METRNL: variants seen among roughly 807,000 people sequenced by gnomAD.
The protein encoded by METRNL is meteorin-like protein.
In METRNL, 9 loss-of-function variants were observed where a neutral mutation model predicts 17.4. The observed-to-expected ratio is 0.52, with a 90% CI of 0.31 to 0.90. The LOEUF (loss-of-function observed/expected upper bound fraction) is 0.90, where lower values mean the gene tolerates loss of function less well. METRNL is among the 40% of genes least tolerant of loss of function. The pLI, the probability that METRNL is intolerant of heterozygous loss-of-function variation, is 0.05. For synonymous variants in METRNL, 215 were observed against 199.3 expected (o/e 1.08, Z -0.66); for missense variants, 408 against 430.7 (o/e 0.95, Z 0.47).
rs1184062584 is a variant in METRNL at position 83,095,093 on chromosome 17, T to C, written c.*518T>C. ...CTTTTCAGGCCGCCGGTTGTTTCCG[T>C]TCCCGAGAATAAAGACGAGGATCCG... On this transcript the variant is annotated 3_prime_UTR_variant, in exon 4 of 4. Coordinates refer to ENST00000320095, the MANE Select transcript of METRNL (RefSeq NM_001004431.3). 6.6e-6 allele frequency: 1 copy of C among 152,462 alleles called. No individual in the cohort carries two copies. Among genetic ancestry groups the C allele is most frequent in the African/African-American group, 2.4e-5 (1 of 41,468 alleles). The allele number at this position is 152,462 out of a possible 1,614,324, so 9.4% of individuals were successfully genotyped here. A position where few individuals can be genotyped will look rare whatever the true frequency, so the allele number is the denominator to read the frequency against.
At chr17:83,081,693 CAA>C (rs1294954361) in intron 1 of METRNL, among the ~76,000 whole-genome samples, 1 of 152,150 alleles carries the variant, frequency 6.6e-6, no homozygotes, top group African/African-American at 2.4e-5. Flanking sequence ...GGACCCCCCC[CAA>C]CACACACACA....
chr17:83,093,725 G>T (rs1024742352), intron 3 of METRNL, among the ~76,000 whole-genome samples: 1 of 152,162 alleles, frequency 6.6e-6, no homozygotes, highest in African/African-American at 2.4e-5. Flanking sequence ...TTGCACAGAC[G>T]CCCTGTGGGA....
intron 2 of METRNL, among the ~76,000 whole-genome samples, chr17:83,086,755 G>A (rs565363979): frequency 2.3e-4 from 35 of 152,344 alleles, no homozygotes; most frequent in African/African-American, 7.2e-4. Context: ...AGGCTGTGGT[G>A]TAGTCCGTCC....
intron 1 of METRNL, among the ~76,000 whole-genome samples, chr17:83,083,523 G>A (rs1351510231): frequency 1.3e-5 from 2 of 152,172 alleles, no homozygotes; most frequent in Admixed American, 6.5e-5. Context: ...GCCCACACAC[G>A]TGTTAGATGA....
chr17:83,082,214 G>A (rs2037998198), intron 1 of METRNL: 2 of 985,348 alleles, frequency 2.0e-6, no homozygotes, highest in African/African-American at 3.5e-5. Flanking sequence ...GGTCACACCT[G>A]GTTCGTCTCT....
chr17:83,080,577 C>T (rs1346924116), intron 1 of METRNL, among the ~76,000 whole-genome samples: 12 of 132,014 alleles, frequency 9.1e-5, no homozygotes, highest in Non-Finnish European at 1.5e-4. Context: ...CCCCCCCCCC[C>T]CCACCCGCGG....
At chr17:83,085,547 T>G (rs1268498148) in intron 2 of METRNL, among the ~76,000 whole-genome samples, 4 of 151,638 alleles carry the variant, frequency 2.6e-5, no homozygotes, top group Non-Finnish European at 4.4e-5. Flanking sequence ...GGGTGTGACA[T>G]GGTGTAGGGG....
chr17:83,089,363 C>T (rs1341122724), intron 2 of METRNL, among the ~76,000 whole-genome samples: 7 of 152,184 alleles, frequency 4.6e-5, no homozygotes, highest in African/African-American at 1.4e-4. Context: ...CAGAGGTTTC[C>T]CGTCGGAACT....
At chr17:83,093,655 CTGCG>C (rs572116061) in intron 3 of METRNL, among the ~76,000 whole-genome samples, 68 of 152,312 alleles carry the variant, frequency 4.5e-4, no homozygotes, top group African/African-American at 1.6e-3. Flanking sequence ...CCCGGCGGCT[CTGCG>C]GCTCTGCAGG....
rs1437903524 is a variant in METRNL at position 83,080,053 on chromosome 17, C to A, written c.170+68C>A. 7 of 955,150 alleles carry A rather than the reference C, an allele frequency of 7.3e-6. No homozygotes were observed. In the African/African-American group the frequency reaches 9.0e-5, roughly 12 times the overall value. The allele number at this position is 955,150 out of a possible 1,614,324, so 59.2% of individuals were successfully genotyped here. ...GCGTCCCCTCCCGTCCCGGGCCGGCCGAGCGTGCGGGGGCGCGGCCGGGGG... is the reference window on the plus strand; with the variant it reads ...GCGTCCCCTCCCGTCCCGGGCCGGCAGAGCGTGCGGGGGCGCGGCCGGGGG... On this transcript the variant is annotated intron_variant, in intron 1 of 3. Coordinates refer to ENST00000320095, the MANE Select transcript of METRNL (RefSeq NM_001004431.3).
chr17:83,080,494 C>G (rs1351344296), intron 1 of METRNL, among the ~76,000 whole-genome samples: 1 of 142,400 alleles, frequency 7.0e-6, no homozygotes, highest in African/African-American at 2.6e-5. Flanking sequence ...AGTGTGGCTC[C>G]GGCCGGGCCC....
chr17:83,080,910 G>C (rs1163606604), intron 1 of METRNL, among the ~76,000 whole-genome samples: 6 of 150,902 alleles, frequency 4.0e-5, no homozygotes, highest in African/African-American at 1.5e-4. Flanking sequence ...CGGTGATGTC[G>C]AGCGAAGCTG....
intron 2 of METRNL, among the ~76,000 whole-genome samples, chr17:83,090,528 C>T (rs1415829268): frequency 2.8e-5 from 3 of 107,782 alleles, no homozygotes; most frequent in East Asian, 3.2e-4. Context: ...CACACACCCC[C>T]GACTGTGCTG....
At chr17:83,080,857 G>GGTCCCC (rs1388040325) in intron 1 of METRNL, among the ~76,000 whole-genome samples, 3 of 150,556 alleles carry the variant, frequency 2.0e-5, no homozygotes, top group Admixed American at 1.3e-4. Flanking sequence ...CCCTCGGCGC[G>GGTCCCC]GCCCCCGCCC....
chr17:83,089,977 A>G (rs1216481546), intron 2 of METRNL, among the ~76,000 whole-genome samples: 1 of 151,878 alleles, frequency 6.6e-6, no homozygotes, highest in Non-Finnish European at 1.5e-5. Context: ...ACGTGAGGGC[A>G]GCGTCTCCAT....
intron 2 of METRNL, among the ~76,000 whole-genome samples, chr17:83,086,206 C>T (rs1204215933): frequency 2.0e-5 from 3 of 152,182 alleles, no homozygotes; most frequent in Non-Finnish European, 4.4e-5. Flanking sequence ...AATGGGAATC[C>T]ACATTTTTGT....
chr17:83,085,384 C>T, intron 2 of METRNL, 61 bp downstream of exon 2: 1 of 1,497,072 alleles, frequency 6.7e-7, no homozygotes, highest in Non-Finnish European at 8.9e-7. Context: ...GGTGATGTGG[C>T]AGGTGTCTCT....
At chr17:83,081,892 C>T (rs1333166914) in intron 1 of METRNL, among the ~76,000 whole-genome samples, 1 of 152,228 alleles carries the variant, frequency 6.6e-6, no homozygotes, top group Non-Finnish European at 1.5e-5. Flanking sequence ...CCGGAGTGCG[C>T]TGGCCTGCCT....
At chr17:83,081,197 C>T (rs942886266) in intron 1 of METRNL, among the ~76,000 whole-genome samples, 15 of 151,962 alleles carry the variant, frequency 9.9e-5, no homozygotes, top group African/African-American at 3.4e-4. Flanking sequence ...GGGGGTCGGC[C>T]GGGAACGCCG....
Sources: allele counts gnomAD v4.1 joint callset (sites outside exome capture counted in the v4.1 genomes callset), GRCh38; gene constraint gnomAD v4.1.1; transcripts MANE v1.5; gene names NCBI Gene and HGNC (gene_info 2026-07-23, HGNC 2026-07-21).